Variants in FLI1 observed in about 807,000 individuals in gnomAD.
FLI1 encodes the protein Fli-1 proto-oncogene, ETS transcription factor.
FLI1 carries 13 observed loss-of-function variants against 53.1 expected under a neutral mutation model. That is an observed-to-expected ratio of 0.24 (90% CI 0.16 to 0.39). The LOEUF (loss-of-function observed/expected upper bound fraction) is 0.39, where lower values mean the gene tolerates loss of function less well. Ranked by LOEUF, FLI1 falls within the 10% of genes least tolerant of loss-of-function variation. The pLI is 1.00. For missense variants in FLI1, 424 were observed against 600.5 expected (o/e 0.71, Z 3.07); for synonymous variants, 244 against 236.7 (o/e 1.03, Z -0.28).
At chr11:128,688,442 G>A (rs1283376355) in intron 1 of FLI1, among the ~76,000 whole-genome samples, 1 of 152,242 alleles carries the variant, frequency 6.6e-6, no homozygotes, top group African/African-American at 2.4e-5. Context: ...ACAATCTTGA[G>A]TCTGTTCCAC....
At position 128,768,126 on chromosome 11, in the gene FLI1, C is replaced by G. The variant is rs574828243; in HGVS notation, c.239C>G (p.Pro80Arg). Residue 80 changes from proline to arginine, a missense_variant, in exon 3 of 9, where the codon CCG becomes CGG. Around this residue, in one of 5 missense-constraint regions of FLI1, gnomAD observed 137 missense variants for 169.1 expected, o/e 0.81. Coordinates refer to ENST00000527786, the MANE Select transcript of FLI1 (RefSeq NM_002017.5). ...YDHMNGSRES[P>R]VDCSVSKCSK... is the part of the protein sequence containing the mutation. ...GTCTCTTCTCACTTTAGGGAGTCTC[C>G]GGTGGACTGCAGCGTTAGCAAATGC... The G allele has an allele frequency of 1.9e-6, 3 of 1,611,864 alleles. No homozygotes were observed. Among genetic ancestry groups the G allele is most frequent in the Non-Finnish European group, 2.5e-6 (3 of 1,178,870 alleles).
intron 1 of FLI1, among the ~76,000 whole-genome samples, chr11:128,752,157 G>T (rs544479557): frequency 1.3e-5 from 2 of 152,060 alleles, no homozygotes; most frequent in East Asian, 1.9e-4. Context: ...TGTATTTTTA[G>T]TAGAAACAGG....
chr11:128,809,383 G>A (rs1942877161), intron 8 of FLI1, among the ~76,000 whole-genome samples, 179 bp downstream of exon 8: 1 of 152,234 alleles, frequency 6.6e-6, no homozygotes, highest in African/African-American at 2.4e-5. Context: ...CTTGTTATGA[G>A]GTGTCAAGGT....
At chr11:128,688,777 T>C (rs1379799706) in intron 1 of FLI1, among the ~76,000 whole-genome samples, 1 of 152,040 alleles carries the variant, frequency 6.6e-6, no homozygotes, top group Non-Finnish European at 1.5e-5. Flanking sequence ...GGGTGACACT[T>C]GGAGACACTG....
chr11:128,804,436 G>C (rs1426367003), intron 5 of FLI1: 1 of 152,220 alleles, frequency 6.6e-6, no homozygotes, highest in African/African-American at 2.4e-5. Flanking sequence ...GAAGGAAGAA[G>C]TTTCCAGCTA....
At chr11:128,739,729 C>T (rs904157685) in intron 1 of FLI1, among the ~76,000 whole-genome samples, 1 of 150,546 alleles carries the variant, frequency 6.6e-6, no homozygotes, top group Non-Finnish European at 1.5e-5. Flanking sequence ...TATTTTACTT[C>T]GAAAAAAAAA....
chr11:128,729,629 C>T (rs764491356), intron 1 of FLI1, among the ~76,000 whole-genome samples: 13 of 152,172 alleles, frequency 8.5e-5, no homozygotes, highest in Admixed American at 2.0e-4. Flanking sequence ...CCTTTTGCTC[C>T]CTTTGGTGTC....
At chr11:128,775,567 C>A (rs1314082987) in intron 4 of FLI1, among the ~76,000 whole-genome samples, 1 of 152,280 alleles carries the variant, frequency 6.6e-6, no homozygotes, top group South Asian at 2.1e-4. Context: ...GGCTGGCGAT[C>A]GTGTCTGCTC....
chr11:128,697,698 A>G (rs1938145733), intron 1 of FLI1, among the ~76,000 whole-genome samples: 1 of 152,262 alleles, frequency 6.6e-6, no homozygotes. Context: ...TGGGCATACC[A>G]GGACAGATTG....
intron 2 of FLI1, among the ~76,000 whole-genome samples, chr11:128,766,808 C>T (rs1409754780): frequency 2.6e-5 from 4 of 152,074 alleles, no homozygotes; most frequent in East Asian, 3.9e-4. Context: ...AGAGGTTATG[C>T]GGCCTAGAGT....
intron 1 of FLI1, among the ~76,000 whole-genome samples, chr11:128,746,236 G>A (rs1940382479): frequency 6.6e-6 from 1 of 152,144 alleles, no homozygotes; most frequent in African/African-American, 2.4e-5. Context: ...AACAACTGGG[G>A]ATGAAAACCA....
At chr11:128,751,143 G>A (rs1457707240) in intron 1 of FLI1, among the ~76,000 whole-genome samples, 1 of 152,130 alleles carries the variant, frequency 6.6e-6, no homozygotes, top group Middle Eastern at 3.2e-3. Flanking sequence ...TAGTGAAATC[G>A]GCTCTGTACT....
intron 1 of FLI1, among the ~76,000 whole-genome samples, chr11:128,703,716 GC>G (rs1176468580): frequency 6.6e-6 from 1 of 151,926 alleles, no homozygotes; most frequent in Non-Finnish European, 1.5e-5. Context: ...GGTGGTGCAT[GC>G]CTGTAGTCCC....
At chr11:128,685,139 G>T (rs887309362), upstream of FLI1, among the ~76,000 whole-genome samples, 1 of 152,262 alleles carries the variant, frequency 6.6e-6, no homozygotes, top group Non-Finnish European at 1.5e-5. Flanking sequence ...TTCAGTGCAC[G>T]CATAGCTCCT....
rs533861895 is a variant in FLI1 at position 128,797,992 on chromosome 11, A to G, written c.656-7374A>G. Among the ~76,000 whole-genome samples, 3 of 152,210 alleles carry G rather than the reference A, an allele frequency of 2.0e-5. No homozygotes were observed. The South Asian group carries it at 6.2e-4, about 32-fold the overall frequency. On this transcript the variant is annotated intron_variant, in intron 5 of 8. Coordinates refer to ENST00000527786, the MANE Select transcript of FLI1 (RefSeq NM_002017.5). Reference sequence around the variant, plus strand: ...ACGCAGACCCAAGAGTGTATCCCCTATGGCCAAGGAGAAGAAGGGCAACCT... The same window carrying G: ...ACGCAGACCCAAGAGTGTATCCCCTGTGGCCAAGGAGAAGAAGGGCAACCT...
intron 5 of FLI1, among the ~76,000 whole-genome samples, chr11:128,801,365 A>G (rs1038406617): frequency 3.3e-5 from 5 of 152,200 alleles, no homozygotes; most frequent in African/African-American, 4.8e-5. Flanking sequence ...CTCTGTGTGT[A>G]TGTTGGGGAC....
intron 5 of FLI1, among the ~76,000 whole-genome samples, chr11:128,793,068 G>A (rs2300594): frequency 0.1 from 15,352 of 151,940 alleles, 934 homozygotes; most frequent in East Asian, 0.27. Flanking sequence ...CCATGAGCCG[G>A]GATTGCACCA....
At chr11:128,685,711 A>G (rs2135670993), upstream of FLI1, among the ~76,000 whole-genome samples, 1 of 139,224 alleles carries the variant, frequency 7.2e-6, no homozygotes, top group African/African-American at 2.9e-5. Flanking sequence ...GAGGAGCCAA[A>G]AAAAAAAAAA....
intron 1 of FLI1, among the ~76,000 whole-genome samples, chr11:128,712,589 C>T (rs1938829496): frequency 6.6e-6 from 1 of 152,056 alleles, no homozygotes; most frequent in Non-Finnish European, 1.5e-5. Flanking sequence ...TGGCGGAAGG[C>T]AAGGAGGAGA....
Sources: gnomAD v4.1 joint callset for allele counts (sites outside exome capture counted in the v4.1 genomes callset) on GRCh38, gnomAD v4.1.1 for gene constraint, gnomAD v4.1.1 regional missense constraint, MANE v1.5 for transcripts, NCBI Gene and HGNC (gene_info 2026-07-23, HGNC 2026-07-21) for gene names.